Variants in KIFAP3 observed in about 807,000 individuals in gnomAD.
The protein encoded by KIFAP3 is kinesin associated protein 3, also known as kinesin-associated protein 3.
A neutral mutation model predicts 106.5 loss-of-function variants in KIFAP3; 68 were observed. That is an observed-to-expected ratio of 0.64 (90% CI 0.53 to 0.78). The LOEUF (loss-of-function observed/expected upper bound fraction) is 0.78, where lower values mean the gene tolerates loss of function less well. Ranked by LOEUF, KIFAP3 falls within the 30% of genes least tolerant of loss-of-function variation. The pLI, the probability that KIFAP3 is intolerant of heterozygous loss-of-function variation, is 0.00. For synonymous variants in KIFAP3, 320 were observed against 311.5 expected (o/e 1.03, Z -0.29); for missense variants, 780 against 941.8 (o/e 0.83, Z 2.25).
intron 17 of KIFAP3, among the ~76,000 whole-genome samples, chr1:169,963,556 G>A (rs1665450337): frequency 6.6e-6 from 1 of 152,058 alleles, no homozygotes. Flanking sequence ...GTGGTGGCAC[G>A]ATCTCAGCTC....
chr1:170,080,309 A>C (rs1672000103), intron 1 of KIFAP3, among the ~76,000 whole-genome samples: 1 of 152,110 alleles, frequency 6.6e-6, no homozygotes, highest in African/African-American at 2.4e-5. Context: ...CTATAGATTG[A>C]ATGATTCAAT....
At chr1:169,992,402 C>T (rs1667150137) in intron 10 of KIFAP3, 147 bp from the exon 11 acceptor site, 1 of 406,860 alleles carries the variant, frequency 2.5e-6, no homozygotes, top group East Asian at 3.9e-5. Context: ...TATTTCAAAT[C>T]CAAAATTTAG....
chr1:170,047,329 A>AG (rs1266720501), intron 2 of KIFAP3, among the ~76,000 whole-genome samples: 1 of 152,050 alleles, frequency 6.6e-6, no homozygotes, highest in African/African-American at 2.4e-5. Context: ...GCAAAAAAAA[A>AG]GTGAGATCTG....
At chr1:169,981,363 C>T (rs943195074) in intron 15 of KIFAP3, among the ~76,000 whole-genome samples, 1 of 152,202 alleles carries the variant, frequency 6.6e-6, no homozygotes, top group Non-Finnish European at 1.5e-5. Flanking sequence ...CCAGGATGTA[C>T]ATGCCACCTG....
chr1:169,981,116 AAAAC>A (rs576938649), intron 15 of KIFAP3, among the ~76,000 whole-genome samples: 35 of 152,288 alleles, frequency 2.3e-4, no homozygotes, highest in South Asian at 2.1e-3. Flanking sequence ...AGTCAAAACA[AAAAC>A]AAACAAACAA....
chr1:170,034,500 T>A lies in KIFAP3; in HGVS notation c.618-4A>T. On this transcript the variant is annotated splice_region_variant and splice_polypyrimidine_tract_variant and intron_variant, in intron 6 of 19. Coordinates refer to ENST00000361580, the MANE Select transcript of KIFAP3 (RefSeq NM_014970.4). ...AAGTCCATGAAATTGAGAAAAGCTT[T>A]AAAGAAGACATTTTAATATATATTT... The A allele has an allele frequency of 7.1e-7, 1 of 1,406,760 alleles. No individual in the cohort carries two copies. Among genetic ancestry groups the A allele is most frequent in the Non-Finnish European group, 9.7e-7 (1 of 1,026,370 alleles). The allele number at this position is 1,406,760 out of a possible 1,614,324, so 87.1% of individuals were successfully genotyped here.
intron 8 of KIFAP3, among the ~76,000 whole-genome samples, chr1:170,029,056 T>C (rs1669264182): frequency 6.6e-6 from 1 of 151,862 alleles, no homozygotes; most frequent in African/African-American, 2.4e-5. Flanking sequence ...GACAAATATA[T>C]CCCATACTAA....
At chr1:170,002,395 A>T (rs1339912867) in intron 10 of KIFAP3, among the ~76,000 whole-genome samples, 4 of 152,204 alleles carry the variant, frequency 2.6e-5, no homozygotes, top group Non-Finnish European at 5.9e-5. Context: ...ATGGTCTAAC[A>T]TTACTGACTA....
At chr1:169,996,470 G>A (rs1667377881) in intron 10 of KIFAP3, among the ~76,000 whole-genome samples, 1 of 152,142 alleles carries the variant, frequency 6.6e-6, no homozygotes, top group African/African-American at 2.4e-5. Context: ...CCTATTGCAT[G>A]TTCAACATAG....
chr1:170,061,328 CA>C (rs1403747145), intron 1 of KIFAP3, among the ~76,000 whole-genome samples: 3 of 150,496 alleles, frequency 2.0e-5, no homozygotes, highest in African/African-American at 7.3e-5. Context: ...AAAAATCAAA[CA>C]ACCCCATCAA....
At chr1:170,080,959 T>C (rs1672010173) in intron 1 of KIFAP3, among the ~76,000 whole-genome samples, 1 of 152,186 alleles carries the variant, frequency 6.6e-6, no homozygotes, top group African/African-American at 2.4e-5. Context: ...TTTAATAAAA[T>C]TATCTTTAAC....
intron 19 of KIFAP3, among the ~76,000 whole-genome samples, chr1:169,951,071 CAA>C (rs1558189587): frequency 6.6e-6 from 1 of 151,696 alleles, no homozygotes; most frequent in African/African-American, 2.4e-5. Flanking sequence ...GTCAGTAAAA[CAA>C]AGTGTGAAAA....
intron 19 of KIFAP3, among the ~76,000 whole-genome samples, chr1:169,933,555 AG>A (rs1238672450): frequency 1.3e-5 from 2 of 152,102 alleles, no homozygotes; most frequent in Non-Finnish European, 2.9e-5. Flanking sequence ...AATAGGGCTA[AG>A]CATCCTTTGG....
chr1:170,010,655 T>C (rs1196572449), intron 10 of KIFAP3, among the ~76,000 whole-genome samples: 1 of 152,050 alleles, frequency 6.6e-6, no homozygotes, highest in Non-Finnish European at 1.5e-5. Flanking sequence ...ATGTACTAGT[T>C]AAATGTTTCA....
intron 8 of KIFAP3, among the ~76,000 whole-genome samples, chr1:170,027,005 G>C (rs1365584445): frequency 2.1e-5 from 3 of 142,450 alleles, no homozygotes; most frequent in Non-Finnish European, 4.5e-5. Context: ...AAATTTCACT[G>C]TCTTGCTTCT....
chr1:169,974,378 A>G (rs1042128719), intron 16 of KIFAP3, among the ~76,000 whole-genome samples: 3 of 151,956 alleles, frequency 2.0e-5, no homozygotes, highest in African/African-American at 7.2e-5. Flanking sequence ...TACACCCAAA[A>G]AATTTTATCA....
Position 169,941,299 on chromosome 1 carries a change from T to G in KIFAP3, c.2273+12712A>C, listed in dbSNP as rs74786210. Among the ~76,000 whole-genome samples, 154 of 152,302 alleles carry G rather than the reference T, an allele frequency of 1.0e-3. 1 individual carries two copies. In the East Asian group the frequency reaches 0.027, roughly 27 times the overall value. ...TCCTTTAAAATGTTCAAACCACTCCTCTTACCCTCCTCTTGTATTGGGGTA... is the reference window on the plus strand; with the variant it reads ...TCCTTTAAAATGTTCAAACCACTCCGCTTACCCTCCTCTTGTATTGGGGTA... On this transcript the variant is annotated intron_variant, in intron 19 of 19. Coordinates refer to ENST00000361580, the MANE Select transcript of KIFAP3 (RefSeq NM_014970.4).
intron 18 of KIFAP3, among the ~76,000 whole-genome samples, chr1:169,958,492 T>C (rs1025057676): frequency 3.3e-5 from 5 of 152,158 alleles, no homozygotes; most frequent in African/African-American, 4.8e-5. Context: ...TAGATGTCAA[T>C]AGTGTAGAGT....
At chr1:170,034,641 T>C (rs1669584383) in intron 6 of KIFAP3, 145 bp from the exon 7 acceptor site, 2 of 406,356 alleles carry the variant, frequency 4.9e-6, no homozygotes, top group Non-Finnish European at 8.7e-6. Context: ...CACAATACAC[T>C]AGGAAGACTT....
Sources: gnomAD v4.1 joint callset for allele counts (sites outside exome capture counted in the v4.1 genomes callset) on GRCh38, gnomAD v4.1.1 for gene constraint, MANE v1.5 for transcripts, NCBI Gene and HGNC (gene_info 2026-07-23, HGNC 2026-07-21) for gene names.